The following OXR1 variants were observed in gnomAD, a reference collection of about 807,000 sequenced individuals.
OXR1 encodes the protein oxidation resistance protein 1.
OXR1 carries 41 observed loss-of-function variants against 104.6 expected under a neutral mutation model. The ratio of observed to expected loss-of-function variants is 0.39; its 90% CI spans 0.31 to 0.51. The LOEUF is 0.51. Ranked by LOEUF, OXR1 falls within the 20% of genes least tolerant of loss-of-function variation. The pLI is 0.77. For synonymous variants in OXR1, 348 were observed against 348.4 expected, an observed-to-expected ratio of 1.00 and a Z score of 0.01; for missense variants, 955 against 1,031.9, an observed-to-expected ratio of 0.93 and a Z score of 1.02.
chr8:106,569,206 AAC>A (rs2130547981), intron 3 of OXR1, among the ~76,000 whole-genome samples: 1 of 152,108 alleles, frequency 6.6e-6, no homozygotes, highest in South Asian at 2.1e-4. Flanking sequence ...GTTCCCCCAT[AAC>A]AGTGTTTTAA....
chr8:106,707,434 C>T, intron 9 of OXR1: 1 of 566,786 alleles, frequency 1.8e-6, no homozygotes, highest in Non-Finnish European at 3.1e-6. Context: ...AGAAATTGCA[C>T]AAAAGCTGTA....
chr8:106,603,883 T>A (rs1305869133), intron 3 of OXR1, among the ~76,000 whole-genome samples: 2 of 151,782 alleles, frequency 1.3e-5, no homozygotes, highest in Non-Finnish European at 2.9e-5. Context: ...TGAAACCCCC[T>A]CTCTACTAAA....
chr8:106,290,291 G>T (rs1044291618), intron 1 of OXR1, among the ~76,000 whole-genome samples: 4 of 152,046 alleles, frequency 2.6e-5, no homozygotes, highest in African/African-American at 9.7e-5. Context: ...CACCAAATAC[G>T]ATAATTAACT....
intron 1 of OXR1, among the ~76,000 whole-genome samples, chr8:106,353,397 C>A (rs1815820744): frequency 6.8e-6 from 1 of 146,806 alleles, no homozygotes; most frequent in South Asian, 2.2e-4. Context: ...AATAATTTAA[C>A]TATATAGACA....
In OXR1 at chr8:106,584,458, T is replaced by C. The variant is rs540803336; in HGVS notation, c.220+65319T>C. On this transcript the variant is annotated intron_variant, in intron 3 of 16. Coordinates refer to ENST00000517566, the MANE Select transcript of OXR1 (RefSeq NM_001198533.2). ...AGGCTCACACTCAGGCATATTATCA[T>C]GAAACTTCAGAAAACTTGTTTCAAA... Among the ~76,000 whole-genome samples the C allele has an allele frequency of 6.1e-4, 93 of 152,188 alleles. No homozygotes were observed. The South Asian group carries it at 0.012, about 19-fold the overall frequency.
chr8:106,396,723 G>T (rs2130460495), intron 2 of OXR1, among the ~76,000 whole-genome samples: 1 of 151,946 alleles, frequency 6.6e-6, no homozygotes, highest in East Asian at 1.9e-4. Context: ...ACTTTTAATG[G>T]TAAAAACCGC....
chr8:106,636,019 C>A (rs559239199), intron 3 of OXR1, among the ~76,000 whole-genome samples: 110 of 152,264 alleles, frequency 7.2e-4, no homozygotes, highest in Non-Finnish European at 1.1e-3. Context: ...TTATGATTTT[C>A]TTAAAAAGCA....
chr8:106,326,527 G>A (rs1814474914), intron 1 of OXR1, among the ~76,000 whole-genome samples: 2 of 152,230 alleles, frequency 1.3e-5, no homozygotes, highest in Admixed American at 6.5e-5. Context: ...CTTCTGATTA[G>A]AAAATTTTGT....
intron 1 of OXR1, among the ~76,000 whole-genome samples, chr8:106,327,810 G>A (rs137997493): frequency 3.3e-4 from 50 of 152,262 alleles, no homozygotes; most frequent in African/African-American, 1.0e-3. Context: ...TTAATCTATC[G>A]ATAAGCAAAG....
chr8:106,676,429 G>C (rs1827599943), intron 3 of OXR1, among the ~76,000 whole-genome samples: 1 of 152,100 alleles, frequency 6.6e-6, no homozygotes, highest in African/African-American at 2.4e-5. Flanking sequence ...TTGTGTTTTT[G>C]TAGTGTCTGG....
intron 3 of OXR1, among the ~76,000 whole-genome samples, chr8:106,545,067 A>C (rs775341768): frequency 2.0e-5 from 3 of 152,128 alleles, no homozygotes; most frequent in Non-Finnish European, 4.4e-5. Context: ...AGGCTGTTTA[A>C]CAGTATCCCT....
Position 106,270,212 on chromosome 8 carries a change from G to C in OXR1, c.-294G>C, listed in dbSNP as rs1244978229. 1.3e-5 allele frequency: 2 copies of C among 152,188 alleles called. No homozygotes were observed. The highest frequency in any genetic ancestry group is 2.9e-5 in the Non-Finnish European group (2 of 68,074). The allele number at this position is 152,188 out of a possible 1,614,324, so 9.4% of individuals were successfully genotyped here. On this transcript the variant is annotated 5_prime_UTR_variant, in exon 1 of 17. Transcript: ENST00000517566. ...AGCGCTCAGCGGCGCCGGCAGCAGC[G>C]GGGCTAGAGCTGGGCTGCGTCAGGC...
intron 2 of OXR1, among the ~76,000 whole-genome samples, chr8:106,428,006 G>A (rs964799906): frequency 7.2e-5 from 11 of 152,198 alleles, no homozygotes; most frequent in African/African-American, 2.4e-4. Flanking sequence ...TAATACCGAG[G>A]AACAAATTAT....
intron 3 of OXR1, among the ~76,000 whole-genome samples, chr8:106,555,782 TA>T (rs1481424780): frequency 1.3e-5 from 2 of 151,664 alleles, no homozygotes; most frequent in Admixed American, 1.3e-4. Context: ...AAATTACTAT[TA>T]AAAAATAATT....
intron 1 of OXR1, among the ~76,000 whole-genome samples, chr8:106,340,522 C>G (rs1378615773): frequency 6.6e-6 from 1 of 152,168 alleles, no homozygotes; most frequent in Non-Finnish European, 1.5e-5. Context: ...AGATGTAACC[C>G]TGTAACCCAC....
intron 2 of OXR1, among the ~76,000 whole-genome samples, chr8:106,417,133 G>A (rs1430545178): frequency 6.6e-6 from 1 of 152,044 alleles, no homozygotes; most frequent in Non-Finnish European, 1.5e-5. Context: ...GAATTGTCAA[G>A]TTCACTTCTG....
intron 1 of OXR1, among the ~76,000 whole-genome samples, chr8:106,305,972 G>A (rs2130111008): frequency 6.6e-6 from 1 of 152,082 alleles, no homozygotes; most frequent in South Asian, 2.1e-4. Context: ...TAGATTTTTA[G>A]AAAGCAACAT....
At chr8:106,446,357 C>T (rs138373466) in intron 2 of OXR1, among the ~76,000 whole-genome samples, 11 of 152,286 alleles carry the variant, frequency 7.2e-5, no homozygotes, top group South Asian at 6.2e-4. Flanking sequence ...CCGTGGCTCA[C>T]GCCTGTAATC....
intron 3 of OXR1, among the ~76,000 whole-genome samples, chr8:106,527,877 A>T (rs1021796510): frequency 1.3e-5 from 2 of 152,230 alleles, no homozygotes; most frequent in African/African-American, 4.8e-5. Flanking sequence ...AGTGGTAAAG[A>T]GCTCATCCTC....
Sources: gnomAD v4.1 joint callset for allele counts (sites outside exome capture counted in the v4.1 genomes callset) on GRCh38, gnomAD v4.1.1 for gene constraint, MANE v1.5 for transcripts, NCBI Gene and HGNC (gene_info 2026-07-23, HGNC 2026-07-21) for gene names.